Variants in GPATCH2 observed in about 807,000 individuals in gnomAD.
GPATCH2 encodes G patch domain-containing protein 2.
A neutral mutation model predicts 58.0 loss-of-function variants in GPATCH2; 51 were observed. The ratio of observed to expected loss-of-function variants is 0.88; its 90% CI spans 0.70 to 1.11. The LOEUF is 1.11. Ranked by LOEUF, GPATCH2 falls within the 50% of genes most tolerant of loss-of-function variation. The pLI is 0.00. For missense variants in GPATCH2, 625 were observed against 652.2 expected (o/e 0.96, Z 0.45); for synonymous variants, 222 against 218.5 (o/e 1.02, Z -0.14).
At chr1:217,565,628 G>C (rs1324877939) in intron 5 of GPATCH2, among the ~76,000 whole-genome samples, 1 of 152,184 alleles carries the variant, frequency 6.6e-6, no homozygotes, top group East Asian at 1.9e-4. Flanking sequence ...TATCCATGAT[G>C]TGTGAGGTTT....
At chr1:217,598,343 G>A (rs906313009) in intron 5 of GPATCH2, among the ~76,000 whole-genome samples, 8 of 152,030 alleles carry the variant, frequency 5.3e-5, no homozygotes, top group South Asian at 2.1e-4. Context: ...AGCCAAGATC[G>A]CACTATTGCA....
At chr1:217,480,697 T>G (rs545432834) in intron 8 of GPATCH2, among the ~76,000 whole-genome samples, 1 of 152,358 alleles carries the variant, frequency 6.6e-6, no homozygotes, top group East Asian at 1.9e-4. Context: ...ACTCCCATGT[T>G]TGTTGCAGCA....
intron 7 of GPATCH2, among the ~76,000 whole-genome samples, chr1:217,497,465 G>C (rs556898799): frequency 6.6e-6 from 1 of 152,200 alleles, no homozygotes; most frequent in South Asian, 2.1e-4. Flanking sequence ...AAAAAATAAA[G>C]AAGGGTTCAA....
chr1:217,589,837 C>T (rs1387333958), intron 5 of GPATCH2, among the ~76,000 whole-genome samples: 1 of 152,130 alleles, frequency 6.6e-6, no homozygotes, highest in African/African-American at 2.4e-5. Flanking sequence ...TCCACCAATA[C>T]AAACAGACAG....
intron 5 of GPATCH2, among the ~76,000 whole-genome samples, chr1:217,578,717 T>A (rs563078007): frequency 6.6e-6 from 1 of 152,276 alleles, no homozygotes; most frequent in East Asian, 1.9e-4. Context: ...ATATTAAGCA[T>A]ACTTACTACA....
chr1:217,625,066 A>G (rs1669386067), intron 1 of GPATCH2, among the ~76,000 whole-genome samples: 1 of 152,216 alleles, frequency 6.6e-6, no homozygotes, highest in South Asian at 2.1e-4. Context: ...TATAAAATGT[A>G]TGATCAATCC....
At chr1:217,609,095 T>C in intron 5 of GPATCH2, 1 of 818,194 alleles carries the variant, frequency 1.2e-6, no homozygotes, top group East Asian at 1.2e-4. Flanking sequence ...ACATTGTTTT[T>C]CATTATTGAA....
At chr1:217,510,802 A>T (rs1320021263) in intron 6 of GPATCH2, among the ~76,000 whole-genome samples, 1 of 152,164 alleles carries the variant, frequency 6.6e-6, no homozygotes, top group Non-Finnish European at 1.5e-5. Context: ...CTGAAAAAAA[A>T]GAATTAGAGG....
intron 5 of GPATCH2, among the ~76,000 whole-genome samples, chr1:217,527,832 T>C (rs1221783265): frequency 1.3e-5 from 2 of 152,232 alleles, no homozygotes; most frequent in Non-Finnish European, 2.9e-5. Flanking sequence ...AGGTGCTACA[T>C]GGAAGATTCT....
rs150525552 is a variant in GPATCH2 at position 217,501,579 on chromosome 1, T to C, written c.1167-3184A>G. The stretch of plus-strand genomic sequence containing the variant: ...ATCAGCAATGTATGAGTAATCCAGT[T>C]TTTCCACATCCTCATTGGCATTCGA... On this transcript the variant is annotated intron_variant, in intron 6 of 9. Transcript: ENST00000366935. Among the ~76,000 whole-genome samples the C allele has an allele frequency of 4.7e-4, 72 of 152,228 alleles. No homozygotes were observed. The East Asian group carries it at 0.013, about 28-fold the overall frequency.
intron 6 of GPATCH2, among the ~76,000 whole-genome samples, chr1:217,505,539 G>A (rs188707870): frequency 1.4e-4 from 21 of 152,214 alleles, no homozygotes; most frequent in Admixed American, 9.2e-4. Context: ...AGGATTTCAT[G>A]GGAAGTCAAT....
intron 9 of GPATCH2, among the ~76,000 whole-genome samples, chr1:217,441,821 G>A (rs1486477405): frequency 6.6e-6 from 1 of 152,080 alleles, no homozygotes; most frequent in Non-Finnish European, 1.5e-5. Context: ...AGAATGCTGA[G>A]CATTAAAAAG....
At chr1:217,489,400 T>A (rs1215132476) in intron 8 of GPATCH2, among the ~76,000 whole-genome samples, 1 of 123,932 alleles carries the variant, frequency 8.1e-6, no homozygotes, top group Non-Finnish European at 1.6e-5. Context: ...AATGCTTAAC[T>A]GACTAATGAA....
intron 5 of GPATCH2, among the ~76,000 whole-genome samples, chr1:217,600,221 T>C (rs778256808): frequency 6.6e-6 from 1 of 152,150 alleles, no homozygotes; most frequent in Non-Finnish European, 1.5e-5. Context: ...TTTCAGATAA[T>C]TGGGACTGAA....
intron 5 of GPATCH2, among the ~76,000 whole-genome samples, chr1:217,538,751 T>A (rs948361534): frequency 1.6e-4 from 24 of 152,302 alleles, no homozygotes; most frequent in Non-Finnish European, 2.8e-4. Context: ...TACGCTTTTT[T>A]AAATATATAC....
rs116053856 is a variant in GPATCH2 at position 217,570,733 on chromosome 1, T to C, written c.1098+39588A>G. On this transcript the variant is annotated intron_variant, in intron 5 of 9. Transcript: ENST00000366935. ...AAGACCTAGGAACAGAGACGATTAA[T>C]CACTGAGAGCTGGCATAGGTTCACT... is the stretch of plus-strand genomic sequence containing the variant. Among the ~76,000 whole-genome samples, 660 of 152,334 alleles carry C rather than the reference T, an allele frequency of 4.3e-3. 4 individuals are homozygous for C. The highest frequency in any genetic ancestry group is 7.1e-3 in the Non-Finnish European group (483 of 68,014).
At chr1:217,467,431 T>C (rs1450816169) in intron 8 of GPATCH2, among the ~76,000 whole-genome samples, 1 of 152,168 alleles carries the variant, frequency 6.6e-6, no homozygotes, top group Non-Finnish European at 1.5e-5. Flanking sequence ...TGCATATTCC[T>C]AGCGTACTTA....
chr1:217,475,891 G>C (rs1339477481), intron 8 of GPATCH2, among the ~76,000 whole-genome samples: 5 of 151,924 alleles, frequency 3.3e-5, no homozygotes, highest in Admixed American at 1.3e-4. Context: ...TCCCACACAG[G>C]GGATATATGA....
chr1:217,547,088 G>A (rs1665091960), intron 5 of GPATCH2, among the ~76,000 whole-genome samples: 1 of 152,120 alleles, frequency 6.6e-6, no homozygotes, highest in South Asian at 2.1e-4. Flanking sequence ...GTCAAGCCAG[G>A]CGTGGTGGCT....
Sources: gnomAD v4.1 joint callset for allele counts (sites outside exome capture counted in the v4.1 genomes callset) on GRCh38, gnomAD v4.1.1 for gene constraint, MANE v1.5 for transcripts, NCBI Gene and HGNC (gene_info 2026-07-23, HGNC 2026-07-21) for gene names.